SPRY3: variants seen among roughly 807,000 people sequenced by gnomAD.
SPRY3 encodes the protein protein sprouty homolog 3.
SPRY3 carries 15 observed loss-of-function variants against 20.2 expected under a neutral mutation model. That is an observed-to-expected ratio of 0.74 (90% confidence interval 0.50 to 1.14). SPRY3 has a LOEUF of 1.14. Ranked by LOEUF, SPRY3 falls within the 50% of genes most tolerant of loss-of-function variation. SPRY3 has a pLI of 0.00. For synonymous variants in SPRY3, 143 were observed against 136.5 expected, an observed-to-expected ratio of 1.05 and a Z score of -0.33; for missense variants, 364 against 363.9, an observed-to-expected ratio of 1.00 and a Z score of 0.00.
At chrX:155,774,037 GCTACCATGC>G in exon 4 of SPRY3, 4 of 1,613,900 alleles carry the variant, frequency 2.5e-6, no homozygotes, top group Non-Finnish European at 3.4e-6. Context: ...TTGGTCTCTG[GCTACCATGC>G]CTACTTCTCT....
At chrX:155,634,114 A>T (rs782521215) in intron 1 of SPRY3, among the ~76,000 whole-genome samples, 2 of 110,155 alleles carry the variant, frequency 1.8e-5, no homozygotes, top group African/African-American at 6.6e-5. Context: ...GCTTCGGTGA[A>T]GTTTTCTTGG....
At chrX:155,695,620 C>T (rs1202241885) in intron 2 of SPRY3, among the ~76,000 whole-genome samples, 2 of 110,549 alleles carry the variant, frequency 1.8e-5, no homozygotes, top group Non-Finnish European at 3.8e-5. Flanking sequence ...TGATATTGTC[C>T]TACAAATATC....
intron 2 of SPRY3, among the ~76,000 whole-genome samples, chrX:155,753,464 T>TA (rs1301104522): frequency 6.6e-6 from 1 of 151,976 alleles, no homozygotes. Flanking sequence ...ATTGTATGGA[T>TA]AGGTCACGTT....
downstream of SPRY3, chrX:155,777,395 G>A (rs1009609636): frequency 6.0e-6 from 1 of 166,780 alleles, no homozygotes; most frequent in Non-Finnish European, 1.5e-5. Context: ...GGGGCCCTGG[G>A]TTCTGCCATA....
intron 2 of SPRY3, among the ~76,000 whole-genome samples, chrX:155,727,224 C>T (rs890825843): frequency 7.2e-4 from 109 of 152,248 alleles, no homozygotes; most frequent in African/African-American, 2.6e-3. Flanking sequence ...TTCTCTCTGG[C>T]TGCCCTTAAC....
chrX:155,703,863 T>C (rs1048516918), intron 2 of SPRY3, among the ~76,000 whole-genome samples: 1 of 152,004 alleles, frequency 6.6e-6, no homozygotes, highest in African/African-American at 2.4e-5. Flanking sequence ...TGAACAGATA[T>C]TGTTCTGGTC....
intron 1 of SPRY3, among the ~76,000 whole-genome samples, chrX:155,620,462 AT>A (rs2067867665): frequency 2.7e-5 from 3 of 111,594 alleles, no homozygotes; most frequent in South Asian, 7.4e-4. Flanking sequence ...CAAATTGATA[AT>A]TAACTATACA....
chrX:155,739,011 G>T (rs1374798423), intron 2 of SPRY3, among the ~76,000 whole-genome samples: 2 of 152,216 alleles, frequency 1.3e-5, no homozygotes, highest in Admixed American at 6.5e-5. Context: ...GCTGGAGATG[G>T]CCAGAGGCAG....
intron 2 of SPRY3, among the ~76,000 whole-genome samples, chrX:155,712,294 A>G (rs1267614017): frequency 6.6e-6 from 1 of 151,942 alleles, no homozygotes; most frequent in Admixed American, 6.6e-5. Flanking sequence ...GGGGTATTGA[A>G]GCCTTCAGCT....
At chrX:155,728,201 G>T (rs189440308) in intron 2 of SPRY3, among the ~76,000 whole-genome samples, 14 of 152,234 alleles carry the variant, frequency 9.2e-5, no homozygotes, top group South Asian at 2.1e-4. Context: ...GTCCCAGAGG[G>T]GCACCTGCCT....
chrX:155,725,604 T>G (rs1485548163), intron 2 of SPRY3, among the ~76,000 whole-genome samples: 1 of 152,158 alleles, frequency 6.6e-6, no homozygotes, highest in Non-Finnish European at 1.5e-5. Flanking sequence ...AGATTATTTG[T>G]GTAGAGGTGT....
rs138170317 is a variant in SPRY3 at position 155,665,959 on chromosome X, C to T, written c.-282+8934C>T. Among the ~76,000 whole-genome samples, 550 of 111,870 alleles carry T rather than the reference C, an allele frequency of 4.9e-3. 3 individuals carry two copies. The highest frequency in any genetic ancestry group is 0.016 in the African/African-American group (503 of 30,888). ...AAATTTAAAAATCACTGGGATATTA[C>T]AGATGTGCAAATTGATTATATGGTG... On this transcript the variant is annotated intron_variant, in intron 2 of 3. Transcript: ENST00000675360.
At chrX:155,649,373 A>G (rs2067968637) in intron 1 of SPRY3, among the ~76,000 whole-genome samples, 1 of 111,617 alleles carries the variant, frequency 9.0e-6, no homozygotes, top group African/African-American at 3.3e-5. Context: ...ATCCTCAATA[A>G]AATACTGGCA....
chrX:155,692,244 C>T (rs988246553), intron 2 of SPRY3, among the ~76,000 whole-genome samples: 23 of 110,694 alleles, frequency 2.1e-4, no homozygotes, highest in Admixed American at 1.4e-3. Context: ...CACTGTGAGG[C>T]AAAAGTCAAT....
At chrX:155,673,177 A>C (rs868912013) in intron 2 of SPRY3, among the ~76,000 whole-genome samples, 60 of 105,886 alleles carry the variant, frequency 5.7e-4, no homozygotes, top group African/African-American at 1.1e-3. Flanking sequence ...AACTAACCTG[A>C]ACATTGTGCA....
chrX:155,772,639 C>T (rs2091387895), intron 3 of SPRY3, among the ~76,000 whole-genome samples: 1 of 152,010 alleles, frequency 6.6e-6, no homozygotes, highest in Non-Finnish European at 1.5e-5. Flanking sequence ...TGCAATACAG[C>T]AGTCTGCTAT....
intron 2 of SPRY3, among the ~76,000 whole-genome samples, chrX:155,730,391 T>C (rs2091125260): frequency 1.3e-5 from 2 of 152,102 alleles, no homozygotes; most frequent in Non-Finnish European, 2.9e-5. Flanking sequence ...CATATGCAGA[T>C]TGGGCAATAT....
At chrX:155,705,373 G>A (rs1407180090) in intron 2 of SPRY3, among the ~76,000 whole-genome samples, 22 of 151,254 alleles carry the variant, frequency 1.5e-4, no homozygotes, top group Non-Finnish European at 3.3e-4. Context: ...TATTTAAAAT[G>A]TCATTAAGAG....
chrX:155,768,565 T>C (rs1285368605), intron 3 of SPRY3, among the ~76,000 whole-genome samples: 3 of 152,198 alleles, frequency 2.0e-5, no homozygotes, highest in East Asian at 3.9e-4. Flanking sequence ...GCCTCTGCTA[T>C]TGGCTCACAA....
Sources: gnomAD v4.1 joint callset for allele counts (sites outside exome capture counted in the v4.1 genomes callset) on GRCh38, gnomAD v4.1.1 for gene constraint, MANE v1.5 for transcripts, NCBI Gene and HGNC (gene_info 2026-07-23, HGNC 2026-07-21) for gene names.